The following TBC1D31 variants were observed in gnomAD, a reference collection of about 807,000 sequenced individuals.
The protein encoded by TBC1D31 is WD repeat domain 67.
A neutral mutation model predicts 132.9 loss-of-function variants in TBC1D31; 99 were observed. That is an observed-to-expected ratio of 0.74 (90% confidence interval 0.63 to 0.88). TBC1D31 has a LOEUF of 0.88. Among genes scored for constraint, TBC1D31 ranks in the 40% least tolerant of loss-of-function variants. TBC1D31 has a pLI of 0.00. For missense variants in TBC1D31, 1,134 were observed against 1,256.6 expected, an observed-to-expected ratio of 0.90 and a Z score of 1.48; for synonymous variants, 385 against 419.4, an observed-to-expected ratio of 0.92 and a Z score of 1.00.
chr8:123,076,032 C>A (rs1487912343), intron 1 of TBC1D31, among the ~76,000 whole-genome samples: 1 of 151,934 alleles, frequency 6.6e-6, no homozygotes, highest in African/African-American at 2.4e-5. Context: ...AAAAATTAAC[C>A]ATATTGCTAT....
chr8:123,152,362 C>T (rs1822857109), downstream of TBC1D31, among the ~76,000 whole-genome samples: 1 of 152,162 alleles, frequency 6.6e-6, no homozygotes, highest in Non-Finnish European at 1.5e-5. Context: ...CCACCCCCGC[C>T]TCTGCCAGCG....
chr8:123,161,293 A>G, the TBC1D31 span, among the ~76,000 whole-genome samples: 4 of 151,494 alleles, frequency 2.6e-5, no homozygotes, highest in African/African-American at 9.7e-5. Flanking sequence ...GAGGTCACCT[A>G]CCCCCGCGAA....
At position 123,109,358 on chromosome 8, in the gene TBC1D31, C is replaced by A. The variant is rs771989830; in HGVS notation, c.1251C>A (p.Ile417=). The A allele has an allele frequency of 6.2e-7, 1 of 1,607,354 alleles. No homozygotes were observed. Among genetic ancestry groups the A allele is most frequent in the Non-Finnish European group, 8.5e-7 (1 of 1,175,024 alleles). The change falls in exon 9 of 22, where the codon ATC becomes ATA. Residue 417 remains isoleucine (I), a synonymous_variant. Coordinates refer to ENST00000287380, the MANE Select transcript of TBC1D31 (RefSeq NM_145647.4). ...GATTAAACAAAAAGCGTTTACAAATCTTATTAAAAGGCTATGGTGAATATC... is the reference window on the plus strand; with the variant it reads ...GATTAAACAAAAAGCGTTTACAAATATTATTAAAAGGCTATGGTGAATATC... ...PDGLNKKRLQ[I]LLKGYGEYPT... is the part of the protein sequence containing the mutation.
chr8:123,148,988 A>G (rs6984376), intron 20 of TBC1D31, among the ~76,000 whole-genome samples: 35,529 of 151,938 alleles, frequency 0.23, 4,814 homozygotes, highest in African/African-American at 0.37. Flanking sequence ...TGGAGGTTGC[A>G]GTAAGCCGAG....
intron 19 of TBC1D31, among the ~76,000 whole-genome samples, chr8:123,143,486 ATAT>A (rs1189982850): frequency 6.6e-6 from 1 of 152,166 alleles, no homozygotes; most frequent in African/African-American, 2.4e-5. Context: ...TGCTCTGGAG[ATAT>A]TATCGCAGGT....
At chr8:123,129,262 G>C (rs1420589295) in intron 15 of TBC1D31, 44 bp downstream of exon 15, 2 of 1,319,542 alleles carry the variant, frequency 1.5e-6, no homozygotes, top group Non-Finnish European at 2.0e-6. Context: ...ATATAAGTTA[G>C]TTGAATAATT....
At chr8:123,158,538 C>A in the TBC1D31 span, among the ~76,000 whole-genome samples, 1 of 151,466 alleles carries the variant, frequency 6.6e-6, no homozygotes, top group Non-Finnish European at 1.5e-5. Context: ...TTCGTGTGGA[C>A]CTAGGTGGGT....
intron 6 of TBC1D31, among the ~76,000 whole-genome samples, chr8:123,099,099 T>TG (rs985866752): frequency 1.6e-3 from 240 of 151,052 alleles, no homozygotes; most frequent in African/African-American, 5.2e-3. Flanking sequence ...TTTTATTACA[T>TG]TTTTTTTTGT....
chr8:123,096,412 T>G (rs1019258411), intron 5 of TBC1D31, among the ~76,000 whole-genome samples: 1 of 152,226 alleles, frequency 6.6e-6, no homozygotes, highest in Admixed American at 6.5e-5. Context: ...TACCAGCCAG[T>G]CTGGAATACT....
intron 11 of TBC1D31, among the ~76,000 whole-genome samples, chr8:123,124,701 G>A (rs576917210): frequency 1.3e-5 from 2 of 151,984 alleles, no homozygotes; most frequent in South Asian, 4.2e-4. Flanking sequence ...GCCAAGGTGG[G>A]TGGATCAACT....
intron 2 of TBC1D31, among the ~76,000 whole-genome samples, chr8:123,082,212 A>G (rs1252139963): frequency 6.6e-6 from 1 of 152,092 alleles, no homozygotes; most frequent in African/African-American, 2.4e-5. Context: ...TCTACTGAGC[A>G]CTCAACATGT....
At position 123,077,248 on chromosome 8, in the gene TBC1D31, A is replaced by T. The variant is rs777915972; in HGVS notation, c.215A>T (p.His72Leu). ...GGAAATATTTATGTTTTTGACTTACATGGAAACAGGTAAGCAGATACCATT... is the reference window on the plus strand; with the variant it reads ...GGAAATATTTATGTTTTTGACTTACTTGGAAACAGGTAAGCAGATACCATT... ...HQGNIYVFDL[H>L]GNRFNLVQRT... Residue 72 changes from histidine to leucine, a missense_variant, in exon 2 of 22, where the codon CAT becomes CTT. His to Leu is a moderately conservative substitution (Grantham distance 99, BLOSUM62 -3). Coordinates refer to ENST00000287380, the MANE Select transcript of TBC1D31 (RefSeq NM_145647.4). 2 of 1,611,302 alleles carry T rather than the reference A, an allele frequency of 1.2e-6. No individual in the cohort carries two copies. Among genetic ancestry groups the T allele is most frequent in the African/African-American group, 1.3e-5 (1 of 74,880 alleles).
chr8:123,104,265 T>A (rs889853472), intron 7 of TBC1D31: 1 of 152,222 alleles, frequency 6.6e-6, no homozygotes, highest in Non-Finnish European at 1.5e-5. Flanking sequence ...TTCTGTGTTT[T>A]GAAGCTTTTT....
At chr8:123,108,697 G>A (rs141356729) in intron 8 of TBC1D31, among the ~76,000 whole-genome samples, 7 of 152,106 alleles carry the variant, frequency 4.6e-5, no homozygotes, top group Non-Finnish European at 7.3e-5. Flanking sequence ...GCCTGTATTA[G>A]TCTGTTTTCA....
chr8:123,072,741 GC>G lies in TBC1D31; in HGVS notation c.-27del. The G allele has an allele frequency of 6.4e-7, 1 of 1,550,526 alleles. No individual in the cohort carries two copies. Among genetic ancestry groups the G allele is most frequent in the Non-Finnish European group, 8.7e-7 (1 of 1,146,816 alleles). The stretch of plus-strand genomic sequence containing the variant: ...AGGCGCTGGGACGGTTACCCAGCGG[GC>G]CGCCGGCGGTCGTGGGCAAGCTTCG... On this transcript the variant is annotated 5_prime_UTR_variant, in exon 1 of 22. Coordinates refer to ENST00000287380, the MANE Select transcript of TBC1D31 (RefSeq NM_145647.4).
intron 7 of TBC1D31, 144 bp downstream of exon 7, chr8:123,101,151 A>T: frequency 1.6e-6 from 1 of 612,580 alleles, no homozygotes. Flanking sequence ...CTTACTCCCA[A>T]AGCCACATCT....
chr8:123,097,633 A>G (rs1224018064), intron 6 of TBC1D31, 192 bp downstream of exon 6: 4 of 516,208 alleles, frequency 7.7e-6, no homozygotes, highest in African/African-American at 2.0e-5. Flanking sequence ...ACCATTGACA[A>G]TTTGCTCTTT....
chr8:123,075,501 A>C (rs1295189632), intron 1 of TBC1D31, among the ~76,000 whole-genome samples: 1 of 152,188 alleles, frequency 6.6e-6, no homozygotes, highest in Non-Finnish European at 1.5e-5. Flanking sequence ...CAAAAGTTTG[A>C]GACCAGCCTG....
In TBC1D31 at chr8:123,120,123, T is replaced by A; in HGVS notation, c.1505T>A (p.Phe502Tyr). The A allele has an allele frequency of 6.2e-7, 1 of 1,611,270 alleles. No homozygotes were observed. The highest frequency in any genetic ancestry group is 8.5e-7 in the Non-Finnish European group (1 of 1,178,486). The change falls in exon 11 of 22, where the codon TTT becomes TAT. Residue 502 changes from phenylalanine to tyrosine, a missense_variant. Coordinates refer to ENST00000287380, the MANE Select transcript of TBC1D31 (RefSeq NM_145647.4). ...SDTPYLPLLAFPFVKLFQNNQ... is the reference protein window; with the variant it reads ...SDTPYLPLLAYPFVKLFQNNQ... ...ACACCATATCTTCCACTCTTGGCAT[T>A]TCCATTTGTAAAATTATTCCAGAAC...
Sources: gnomAD v4.1 joint callset for allele counts (sites outside exome capture counted in the v4.1 genomes callset) on GRCh38, gnomAD v4.1.1 for gene constraint, MANE v1.5 for transcripts, NCBI Gene and HGNC (gene_info 2026-07-23, HGNC 2026-07-21) for gene names.